The following GRIK2 variants were observed in gnomAD, a reference collection of about 807,000 sequenced individuals.
The protein encoded by GRIK2 is glutamate ionotropic receptor kainate type subunit 2.
GRIK2 carries 32 observed loss-of-function variants against 100.3 expected under a neutral mutation model. The ratio of observed to expected loss-of-function variants is 0.32; its 90% confidence interval spans 0.24 to 0.43. The LOEUF is 0.43. GRIK2 is among the 20% of genes least tolerant of loss of function. The pLI is 1.00. For missense variants in GRIK2, 843 were observed against 1,114.9 expected (o/e 0.76, Z 3.47); for synonymous variants, 417 against 389.4 (o/e 1.07, Z -0.83).
At chr6:101,451,609 T>A (rs1419466734) in intron 2 of GRIK2, among the ~76,000 whole-genome samples, 1 of 149,744 alleles carries the variant, frequency 6.7e-6, no homozygotes, top group Admixed American at 6.7e-5. Flanking sequence ...AGGTAAAATC[T>A]GGATTTGCAC....
chr6:101,420,021 G>A (rs897541794), intron 2 of GRIK2, among the ~76,000 whole-genome samples: 2 of 152,166 alleles, frequency 1.3e-5, no homozygotes, highest in African/African-American at 4.8e-5. Context: ...GCAGCCCAAT[G>A]TGAAGATAAT....
intron 7 of GRIK2, among the ~76,000 whole-genome samples, chr6:101,725,478 T>C (rs1056195967): frequency 6.6e-6 from 1 of 152,038 alleles, no homozygotes; most frequent in Admixed American, 6.6e-5. Flanking sequence ...AACGATAATT[T>C]AACCATCTGT....
intron 14 of GRIK2, among the ~76,000 whole-genome samples, chr6:101,959,575 T>C (rs1792155234): frequency 3.3e-5 from 5 of 152,178 alleles, no homozygotes; most frequent in South Asian, 4.1e-4. Context: ...TTGTTCTCAA[T>C]TTCATTTAGT....
intron 15 of GRIK2, among the ~76,000 whole-genome samples, chr6:102,053,107 C>T (rs537710612): frequency 6.6e-6 from 1 of 151,986 alleles, no homozygotes; most frequent in South Asian, 2.1e-4. Context: ...CACACACACA[C>T]ACACACATAC....
chr6:102,011,577 CT>C (rs763369559), intron 14 of GRIK2, among the ~76,000 whole-genome samples: 100 of 76,636 alleles, frequency 1.3e-3, no homozygotes, highest in African/African-American at 3.4e-3. Flanking sequence ...CTTTCTTTTC[CT>C]TTTTTTTTTT....
chr6:101,862,799 CCTA>C (rs1164086584), intron 11 of GRIK2, among the ~76,000 whole-genome samples: 5 of 151,942 alleles, frequency 3.3e-5, no homozygotes, highest in Admixed American at 2.0e-4. Context: ...TAATATATGT[CCTA>C]CTACAGAAAA....
chr6:102,015,621 G>A (rs1795795842), intron 14 of GRIK2, among the ~76,000 whole-genome samples: 1 of 152,122 alleles, frequency 6.6e-6, no homozygotes, highest in African/African-American at 2.4e-5. Context: ...GCACCCACTA[G>A]CACCCCACAG....
At chr6:101,438,823 T>A (rs1013462480) in intron 2 of GRIK2, among the ~76,000 whole-genome samples, 2 of 152,072 alleles carry the variant, frequency 1.3e-5, no homozygotes, top group Admixed American at 1.3e-4. Flanking sequence ...CAGATGACAA[T>A]TGAATTCCTG....
At chr6:101,410,576 A>G (rs572636337) in intron 2 of GRIK2, among the ~76,000 whole-genome samples, 19 of 152,240 alleles carry the variant, frequency 1.2e-4, no homozygotes, top group African/African-American at 3.8e-4. Context: ...AGGGAGAGAC[A>G]AGAGAGGACA....
chr6:101,435,555 G>T (rs1023466618), intron 2 of GRIK2, among the ~76,000 whole-genome samples: 1 of 151,932 alleles, frequency 6.6e-6, no homozygotes, highest in Non-Finnish European at 1.5e-5. Flanking sequence ...ACATCTCCAG[G>T]CGTCTCCCTT....
intron 2 of GRIK2, among the ~76,000 whole-genome samples, chr6:101,535,315 A>G (rs750905536): frequency 6.6e-6 from 1 of 151,808 alleles, no homozygotes; most frequent in Non-Finnish European, 1.5e-5. Flanking sequence ...TTACATCAGT[A>G]TGGTAGCAAT....
intron 10 of GRIK2, among the ~76,000 whole-genome samples, chr6:101,822,997 T>G (rs1369815917): frequency 5.4e-4 from 82 of 152,200 alleles, no homozygotes; most frequent in Non-Finnish European, 1.9e-4. Flanking sequence ...AAGTCCCACA[T>G]ATGCTAGAAC....
At chr6:101,621,888 A>G in intron 2 of GRIK2, 61 bp from the exon 3 acceptor site, 1 of 1,157,736 alleles carries the variant, frequency 8.6e-7, no homozygotes, top group South Asian at 1.3e-5. Context: ...TATTTTCTTT[A>G]TCTTGTGAAA....
intron 13 of GRIK2, among the ~76,000 whole-genome samples, chr6:101,925,068 T>TAA (rs1309628818): frequency 1.3e-5 from 2 of 152,148 alleles, no homozygotes; most frequent in Admixed American, 6.5e-5. Context: ...AATACAGTGT[T>TAA]ATGCTCCTGT....
intron 14 of GRIK2, among the ~76,000 whole-genome samples, chr6:102,031,687 GCT>G (rs1417374763): frequency 1.3e-5 from 2 of 151,124 alleles, no homozygotes; most frequent in Non-Finnish European, 3.0e-5. Context: ...TCAATGTTTA[GCT>G]CTCATTTATA....
intron 14 of GRIK2, among the ~76,000 whole-genome samples, chr6:101,978,407 TATAATTGCTATTG>T (rs1283922532): frequency 3.9e-5 from 6 of 152,012 alleles, no homozygotes; most frequent in African/African-American, 1.4e-4. Context: ...AATATAGTAA[TATAATTGCTATTG>T]AGTTGTCCTT....
intron 2 of GRIK2, among the ~76,000 whole-genome samples, chr6:101,544,205 T>C (rs80156871): frequency 0.013 from 2,009 of 152,238 alleles, 51 homozygotes; most frequent in African/African-American, 0.046. Context: ...CTTTTATTTT[T>C]AATAACAATT....
chr6:101,812,951 A>G (rs570236373), intron 9 of GRIK2, among the ~76,000 whole-genome samples: 46 of 152,218 alleles, frequency 3.0e-4, no homozygotes, highest in Non-Finnish European at 6.2e-4. Flanking sequence ...TGACAATTTA[A>G]GAAAAGAACC....
chr6:102,015,718 G>T (rs1795801147), intron 14 of GRIK2, among the ~76,000 whole-genome samples: 1 of 152,178 alleles, frequency 6.6e-6, no homozygotes, highest in African/African-American at 2.4e-5. Flanking sequence ...CCACTGCCCT[G>T]CAAAGTGCTT....
Sources: gnomAD v4.1 joint callset for allele counts (sites outside exome capture counted in the v4.1 genomes callset) on GRCh38, gnomAD v4.1.1 for gene constraint, MANE v1.5 for transcripts, NCBI Gene and HGNC (gene_info 2026-07-23, HGNC 2026-07-21) for gene names.